Variants in ARID2 observed in about 807,000 individuals in gnomAD.
ARID2 encodes AT-rich interaction domain 2.
In ARID2, 32 loss-of-function variants were observed where a neutral mutation model predicts 184.6. That is an observed-to-expected ratio of 0.17 (90% CI 0.13 to 0.23). The LOEUF is 0.23. ARID2 is among the 10% of genes least tolerant of loss of function. The pLI is 1.00. For missense variants in ARID2, 1,696 were observed against 2,197.6 expected (o/e 0.77, Z 4.56); for synonymous variants, 836 against 772.6 (o/e 1.08, Z -1.36).
chr12:45,902,109 A>G (rs550969168), intron 20 of ARID2, among the ~76,000 whole-genome samples: 13 of 152,316 alleles, frequency 8.5e-5, no homozygotes, highest in Non-Finnish European at 1.5e-4. Flanking sequence ...AATTATTTTT[A>G]TTATCTGTTA....
At position 45,855,312 on chromosome 12, in the gene ARID2, T is replaced by G. The variant is rs561281277; in HGVS notation, c.4773+2416T>G. Reference sequence around the variant, plus strand: ...TAATCTGAAAAATCTGTATTAAACTTTCTTACATTCTCACAAAGGATGTAG... The same window carrying G: ...TAATCTGAAAAATCTGTATTAAACTGTCTTACATTCTCACAAAGGATGTAG... On this transcript the variant is annotated intron_variant, in intron 15 of 20. Coordinates refer to ENST00000334344, the MANE Select transcript of ARID2 (RefSeq NM_152641.4). 2.0e-4 allele frequency among the ~76,000 whole-genome samples: 31 copies of G among 152,362 alleles called. No individual in the cohort carries two copies. In the South Asian group the frequency reaches 6.2e-3, roughly 31 times the overall value.
chr12:45,855,614 T>C (rs1368927670), intron 15 of ARID2, among the ~76,000 whole-genome samples: 1 of 152,234 alleles, frequency 6.6e-6, no homozygotes, highest in Non-Finnish European at 1.5e-5. Flanking sequence ...CTGTTCAAGA[T>C]GGCGTTATAA....
chr12:45,838,187 C>A (rs961276355), intron 10 of ARID2, among the ~76,000 whole-genome samples: 16 of 152,278 alleles, frequency 1.1e-4, no homozygotes, highest in African/African-American at 3.6e-4. Context: ...AAATATGTTT[C>A]CTTCTGTTCC....
At chr12:45,779,760 T>G (rs1270134899) in intron 3 of ARID2, among the ~76,000 whole-genome samples, 1 of 151,942 alleles carries the variant, frequency 6.6e-6, no homozygotes, top group Admixed American at 6.6e-5. Flanking sequence ...TCAATAATAT[T>G]ATTGAAATAA....
At chr12:45,848,340 T>A (rs1943480400) in intron 12 of ARID2, among the ~76,000 whole-genome samples, 1 of 151,982 alleles carries the variant, frequency 6.6e-6, no homozygotes, top group Non-Finnish European at 1.5e-5. Context: ...GCATGGAAAG[T>A]GTCATTGTTT....
intron 16 of ARID2, among the ~76,000 whole-genome samples, chr12:45,870,492 T>G (rs1943909036): frequency 6.6e-6 from 1 of 152,224 alleles, no homozygotes; most frequent in Non-Finnish European, 1.5e-5. Flanking sequence ...GATTCATCCT[T>G]TCTACAGTTC....
intron 3 of ARID2, among the ~76,000 whole-genome samples, chr12:45,766,765 C>T (rs1161113926): frequency 6.6e-6 from 1 of 152,016 alleles, no homozygotes; most frequent in Non-Finnish European, 1.5e-5. Context: ...CCGCCCACCT[C>T]GGCCTCCCAG....
chr12:45,748,317 G>A (rs1941396806), intron 3 of ARID2, among the ~76,000 whole-genome samples: 1 of 152,162 alleles, frequency 6.6e-6, no homozygotes, highest in African/African-American at 2.4e-5. Flanking sequence ...CTTGAGCCTG[G>A]GAGGTTGAGG....
chr12:45,868,490 C>T (rs1200344753), intron 16 of ARID2, among the ~76,000 whole-genome samples: 2 of 152,130 alleles, frequency 1.3e-5, no homozygotes, highest in East Asian at 1.9e-4. Flanking sequence ...GTCCACCCCA[C>T]GTCTCGAGAC....
At chr12:45,899,694 G>GTTATATATATATGGTT (rs1565644908) in intron 20 of ARID2, among the ~76,000 whole-genome samples, 50 of 98,570 alleles carry the variant, frequency 5.1e-4, no homozygotes, top group Admixed American at 2.5e-3. Context: ...TATATATATG[G>GTTATATATATATGGTT]TTATATATAT....
At chr12:45,892,199 G>A (rs980175094) in intron 18 of ARID2, 103 bp downstream of exon 18, 13 of 1,143,188 alleles carry the variant, frequency 1.1e-5, no homozygotes, top group Non-Finnish European at 1.5e-5. Context: ...CAGAAACCTG[G>A]GTTCTAGTCC....
intron 12 of ARID2, among the ~76,000 whole-genome samples, chr12:45,847,814 T>C (rs1051838359): frequency 2.0e-5 from 3 of 152,108 alleles, no homozygotes; most frequent in Admixed American, 2.0e-4. Flanking sequence ...TAAATATCTC[T>C]AATTGTTTGC....
At chr12:45,744,730 A>T (rs1941324578) in intron 3 of ARID2, among the ~76,000 whole-genome samples, 1 of 152,198 alleles carries the variant, frequency 6.6e-6, no homozygotes, top group Non-Finnish European at 1.5e-5. Context: ...ATTATAGGTT[A>T]ATGAACCCCC....
rs774280838 is a variant in ARID2 at position 45,731,270 on chromosome 12, A to G, written c.240A>G (p.Arg80=). ...TTGTTGAAGAGTTCAACTTTCCCAG[A>G]AGTTGTTCTAACGCTGCCTTTGCTT... The part of the protein sequence containing the change: ...GEIVEEFNFP[R]SCSNAAFALK... Residue 80 remains arginine, a synonymous_variant, in exon 3 of 21, where the codon AGA becomes AGG. Coordinates refer to ENST00000334344, the MANE Select transcript of ARID2 (RefSeq NM_152641.4). The G allele has an allele frequency of 6.2e-7, 1 of 1,614,078 alleles. No individual in the cohort carries two copies. Among genetic ancestry groups the G allele is most frequent in the Admixed American group, 1.7e-5 (1 of 60,034 alleles).
At chr12:45,858,777 C>T (rs1224982750) in intron 15 of ARID2, among the ~76,000 whole-genome samples, 1 of 152,196 alleles carries the variant, frequency 6.6e-6, no homozygotes, top group Non-Finnish European at 1.5e-5. Context: ...AAGTGTGAGT[C>T]CTGATCTGTC....
intron 15 of ARID2, among the ~76,000 whole-genome samples, chr12:45,858,337 G>A (rs920060786): frequency 6.6e-6 from 1 of 152,000 alleles, no homozygotes; most frequent in East Asian, 1.9e-4. Flanking sequence ...CTCCAGCCTG[G>A]GTGACAGAGC....
chr12:45,887,409 T>G (rs1035933517), intron 16 of ARID2, among the ~76,000 whole-genome samples: 12 of 152,348 alleles, frequency 7.9e-5, no homozygotes, highest in African/African-American at 2.6e-4. Context: ...AAAAGTGTTG[T>G]TTCTATCGCT....
intron 3 of ARID2, among the ~76,000 whole-genome samples, chr12:45,738,779 CTTTTT>C (rs11333868): frequency 4.8e-5 from 3 of 62,298 alleles, no homozygotes; most frequent in South Asian, 8.0e-4. Context: ...ATATGGGCTA[CTTTTT>C]TTTTTTTTTT....
chr12:45,762,754 TCTTA>T lies in ARID2; in HGVS notation c.284+31444_284+31447del, dbSNP rs148532617. Reference sequence around the variant, plus strand: ...AACTTTTCAGAAACCAAAACCTATATCTTACTTCTAAAGGTAATAGCTATAAATG... The same window carrying T: ...AACTTTTCAGAAACCAAAACCTATATCTTCTAAAGGTAATAGCTATAAATG... On this transcript the variant is annotated intron_variant, in intron 3 of 20. Coordinates refer to ENST00000334344, the MANE Select transcript of ARID2 (RefSeq NM_152641.4). Among the ~76,000 whole-genome samples the T allele has an allele frequency of 8.3e-3, 1,267 of 152,324 alleles. 16 individuals carry two copies. Among genetic ancestry groups the T allele is most frequent in the African/African-American group, 0.027 (1,135 of 41,574 alleles).
Sources: allele counts gnomAD v4.1 joint callset (sites outside exome capture counted in the v4.1 genomes callset), GRCh38; gene constraint gnomAD v4.1.1; transcripts MANE v1.5; gene names NCBI Gene and HGNC (gene_info 2026-07-23, HGNC 2026-07-21).